CHST15: variants seen among roughly 807,000 people sequenced by gnomAD.
CHST15 encodes the protein B cell RAG associated protein (GALNAC4S-6ST).
A neutral mutation model predicts 53.6 loss-of-function variants in CHST15; 30 were observed. That is an observed-to-expected ratio of 0.56 (90% CI 0.42 to 0.76). The LOEUF (loss-of-function observed/expected upper bound fraction) is 0.76. Among genes scored for constraint, CHST15 ranks in the 30% least tolerant of loss-of-function variants. The pLI is 0.00. For synonymous variants in CHST15, 296 were observed against 289.8 expected, an observed-to-expected ratio of 1.02 and a Z score of -0.22; for missense variants, 627 against 740.5, an observed-to-expected ratio of 0.85 and a Z score of 1.78.
At chr10:124,023,486 A>T (rs990924886) in intron 5 of CHST15, among the ~76,000 whole-genome samples, 1 of 60,672 alleles carries the variant, frequency 1.6e-5, no homozygotes, top group Non-Finnish European at 3.1e-5. Context: ...AACCTCTCTC[A>T]AAAAAAAAAA....
Position 124,027,826 on chromosome 10 carries a change from C to T in CHST15, c.1191-6414G>A, listed in dbSNP as rs567741348. Among the ~76,000 whole-genome samples the T allele has an allele frequency of 5.9e-5, 9 of 152,354 alleles. No individual in the cohort carries two copies. In the East Asian group the frequency reaches 7.7e-4, roughly 13 times the overall value. Reference sequence around the variant, plus strand: ...CTCCAGGGCAGGGCTGGGACCCAAACAAACCCAGGCCTGCCTGACCCCAAA... The same window carrying T: ...CTCCAGGGCAGGGCTGGGACCCAAATAAACCCAGGCCTGCCTGACCCCAAA... On this transcript the variant is annotated intron_variant, in intron 5 of 7. Transcript: ENST00000435907.
chr10:124,066,004 T>C (rs1170807963), intron 1 of CHST15, among the ~76,000 whole-genome samples: 1 of 152,078 alleles, frequency 6.6e-6, no homozygotes, highest in East Asian at 1.9e-4. Flanking sequence ...GCATCGAGTA[T>C]TCGGAATCAA....
Position 124,045,813 on chromosome 10 carries a change from G to T in CHST15, c.400C>A (p.His134Asn). 6.2e-7 allele frequency: 1 copy of T among 1,614,036 alleles called. No homozygotes were observed. The highest frequency in any genetic ancestry group is 8.5e-7 in the Non-Finnish European group (1 of 1,180,026). Residue 134 changes from histidine (H) to asparagine (N), a missense_variant, in exon 2 of 8, where the codon CAT becomes AAT. Transcript: ENST00000435907. ...DSENPSDTKE[H>N]HHQSSVNNIS... ...TTATTTACAGAGGATTGGTGGTGAT[G>T]CTCCTTTGTGTCACTTGGGTTTTCG...
intron 1 of CHST15, among the ~76,000 whole-genome samples, chr10:124,088,242 C>T (rs1310106595): frequency 6.6e-6 from 1 of 152,230 alleles, no homozygotes; most frequent in Non-Finnish European, 1.5e-5. Context: ...CTACCCCGGG[C>T]TCCTGCTGCA....
intron 6 of CHST15, among the ~76,000 whole-genome samples, chr10:124,015,890 GACCCCAGAGGGC>G (rs917266841): frequency 6.6e-6 from 1 of 152,020 alleles, no homozygotes; most frequent in African/African-American, 2.4e-5. Context: ...AAGTCTCCCC[GACCCCAGAGGGC>G]ACGAAGGAGG....
chr10:124,078,461 A>G (rs943612778), intron 1 of CHST15, among the ~76,000 whole-genome samples: 2 of 152,236 alleles, frequency 1.3e-5, no homozygotes, highest in Non-Finnish European at 2.9e-5. Flanking sequence ...CCTGGTTTCC[A>G]TTATCAGAAC....
At chr10:124,068,052 C>T (rs896407922) in intron 1 of CHST15, among the ~76,000 whole-genome samples, 1 of 152,182 alleles carries the variant, frequency 6.6e-6, no homozygotes, top group Non-Finnish European at 1.5e-5. Context: ...CTACCAGAAA[C>T]TTTGCCTTAA....
Position 124,047,095 on chromosome 10 carries a change from G to A in CHST15, c.-512-371C>T, listed in dbSNP as rs575617090. 1.6e-4 allele frequency among the ~76,000 whole-genome samples: 24 copies of A among 152,294 alleles called. No individual in the cohort carries two copies. The East Asian group carries it at 3.1e-3, about 20-fold the overall frequency. Reference sequence around the variant, plus strand: ...ATTCTCAGAGTCATGCACAGTCAATGACTACAAATTTGAGGGATGGATTGA... The same window carrying A: ...ATTCTCAGAGTCATGCACAGTCAATAACTACAAATTTGAGGGATGGATTGA... On this transcript the variant is annotated intron_variant, in intron 1 of 7. Transcript: ENST00000435907.
At chr10:124,020,495 G>T (rs368218621) in intron 6 of CHST15, 12 of 985,556 alleles carry the variant, frequency 1.2e-5, no homozygotes, top group Non-Finnish European at 1.4e-5. Context: ...GTAAGAAAGA[G>T]GGGGCAGAGC....
At chr10:124,023,434 G>A (rs999897317) in intron 5 of CHST15, among the ~76,000 whole-genome samples, 3 of 151,126 alleles carry the variant, frequency 2.0e-5, no homozygotes, top group Non-Finnish European at 4.4e-5. Flanking sequence ...GCAGTGAGCC[G>A]TGATCATGCC....
chr10:124,088,033 A>G lies in CHST15; in HGVS notation c.-513+5436T>C, dbSNP rs1949488200. Among the ~76,000 whole-genome samples, 7 of 152,368 alleles carry G rather than the reference A, an allele frequency of 4.6e-5. No individual in the cohort carries two copies. The South Asian group carries it at 1.2e-3, about 27-fold the overall frequency. ...GGCTCCTGCCTATATCCTTTGAGGT[A>G]GAATATACTGGAATCAAATATGGAG... On this transcript the variant is annotated intron_variant, in intron 1 of 7. Transcript: ENST00000435907.
intron 6 of CHST15, chr10:124,020,606 A>T (rs1372331638): frequency 1.0e-5 from 10 of 987,016 alleles, no homozygotes; most frequent in Admixed American, 6.1e-5. Context: ...AGGCTTGTAA[A>T]GCCACTCTGG....
intron 2 of CHST15, among the ~76,000 whole-genome samples, chr10:124,045,181 C>T (rs1305870917): frequency 7.8e-6 from 1 of 127,456 alleles, no homozygotes; most frequent in Non-Finnish European, 1.7e-5. Flanking sequence ...AATTAAAATC[C>T]ATTCTACCAT....
At chr10:124,086,155 G>A (rs2134242738) in intron 1 of CHST15, among the ~76,000 whole-genome samples, 1 of 152,356 alleles carries the variant, frequency 6.6e-6, no homozygotes, top group African/African-American at 2.4e-5. Flanking sequence ...CTGCCAACAA[G>A]TAGGAAAGAG....
At chr10:124,059,883 T>C (rs890306639) in intron 1 of CHST15, among the ~76,000 whole-genome samples, 2 of 152,172 alleles carry the variant, frequency 1.3e-5, no homozygotes, top group African/African-American at 4.8e-5. Flanking sequence ...TTCTTTCTGA[T>C]GGAAAGACCA....
chr10:124,015,838 G>A (rs942788927), intron 6 of CHST15, among the ~76,000 whole-genome samples: 7 of 152,200 alleles, frequency 4.6e-5, no homozygotes, highest in African/African-American at 1.4e-4. Flanking sequence ...AAAAGGAGTG[G>A]GTGGAGAGAG....
chr10:124,012,577 A>G, intron 6 of CHST15, 97 bp from the exon 7 acceptor site: 1 of 1,330,486 alleles, frequency 7.5e-7, no homozygotes, highest in East Asian at 2.4e-5. Flanking sequence ...GTACCACAAA[A>G]GAGTTATCCT....
chr10:124,091,344 G>A (rs1949594795), intron 1 of CHST15, among the ~76,000 whole-genome samples: 2 of 152,042 alleles, frequency 1.3e-5, no homozygotes, highest in South Asian at 4.1e-4. Flanking sequence ...GTCCTGGGAG[G>A]AGAAGCAGGA....
At chr10:124,084,206 G>A (rs543071197) in intron 1 of CHST15, among the ~76,000 whole-genome samples, 1 of 152,316 alleles carries the variant, frequency 6.6e-6, no homozygotes, top group Non-Finnish European at 1.5e-5. Context: ...TGGCTGGGAA[G>A]CAAGGACAAA....
Sources: gnomAD v4.1 joint callset for allele counts (sites outside exome capture counted in the v4.1 genomes callset) on GRCh38, gnomAD v4.1.1 for gene constraint, MANE v1.5 for transcripts, NCBI Gene and HGNC (gene_info 2026-07-23, HGNC 2026-07-21) for gene names.